Variants in ANKRD30B observed in about 807,000 individuals in gnomAD.
ANKRD30B encodes ankyrin repeat domain 30B.
ANKRD30B carries 144 observed loss-of-function variants against 202.2 expected under a neutral mutation model. The ratio of observed to expected loss-of-function variants is 0.71; its 90% CI spans 0.62 to 0.82. The LOEUF is 0.82. Ranked by LOEUF, ANKRD30B falls within the 40% of genes least tolerant of loss-of-function variation. The pLI, the probability that ANKRD30B is intolerant of heterozygous loss-of-function variation, is 0.00. For missense variants in ANKRD30B, 1,487 were observed against 1,669.1 expected, an observed-to-expected ratio of 0.89 and a Z score of 1.90; for synonymous variants, 508 against 561.3, an observed-to-expected ratio of 0.91 and a Z score of 1.34.
the ANKRD30B span, among the ~76,000 whole-genome samples, chr18:14,882,526 T>C: frequency 6.6e-6 from 1 of 152,248 alleles, no homozygotes; most frequent in African/African-American, 2.4e-5. Context: ...TGGCCTATCA[T>C]ATGGTCTATC....
At chr18:14,921,386 G>C in the ANKRD30B span, among the ~76,000 whole-genome samples, 1 of 148,752 alleles carries the variant, frequency 6.7e-6, no homozygotes, top group South Asian at 2.1e-4. Context: ...GGGTGGAGAG[G>C]GCAGGAGACA....
At chr18:14,903,199 C>T in the ANKRD30B span, among the ~76,000 whole-genome samples, 1 of 152,148 alleles carries the variant, frequency 6.6e-6, no homozygotes, top group Non-Finnish European at 1.5e-5. Context: ...AACACTTCCC[C>T]TTCACCCTCT....
chr18:14,796,054 C>T (rs1258383910), intron 16 of ANKRD30B, among the ~76,000 whole-genome samples, 167 bp from the exon 17 acceptor site: 3 of 152,026 alleles, frequency 2.0e-5, no homozygotes, highest in Non-Finnish European at 4.4e-5. Context: ...ATATTTCTGT[C>T]CCGTTGGCAT....
chr18:14,889,044 G>A, the ANKRD30B span: 1 of 427,482 alleles, frequency 2.3e-6, no homozygotes, highest in Non-Finnish European at 4.2e-6. Context: ...GCCTAATGTG[G>A]ATTGTTAGCT....
the ANKRD30B span, among the ~76,000 whole-genome samples, chr18:14,907,315 G>GA: frequency 1.5e-3 from 218 of 148,310 alleles, no homozygotes; most frequent in African/African-American, 3.4e-3. Context: ...CAATTTTACT[G>GA]AAAAAAAAAA....
At chr18:14,763,547 C>T in intron 6 of ANKRD30B, 139 bp from the exon 7 acceptor site, 1 of 1,246,538 alleles carries the variant, frequency 8.0e-7, no homozygotes, top group African/African-American at 1.5e-5. Flanking sequence ...AAGACTCCAT[C>T]AAAAAAAAGA....
At chr18:14,786,495 C>T (rs1321739624) in intron 14 of ANKRD30B, among the ~76,000 whole-genome samples, 2 of 152,188 alleles carry the variant, frequency 1.3e-5, no homozygotes, top group African/African-American at 4.8e-5. Context: ...AACATATACA[C>T]ACCCAAAACA....
At chr18:14,870,055 C>G in the ANKRD30B span, among the ~76,000 whole-genome samples, 390 of 152,298 alleles carry the variant, frequency 2.6e-3, 2 homozygotes, top group African/African-American at 8.9e-3. Context: ...ATGCCGGTCT[C>G]GAACTCCTCA....
At chr18:14,788,550 C>A (rs553656876) in intron 15 of ANKRD30B, among the ~76,000 whole-genome samples, 2 of 152,054 alleles carry the variant, frequency 1.3e-5, no homozygotes, top group Admixed American at 1.3e-4. Flanking sequence ...CCCGCTCCCC[C>A]CACCCCACAA....
the ANKRD30B span, among the ~76,000 whole-genome samples, chr18:14,916,133 G>T: frequency 1.3e-5 from 2 of 152,302 alleles, 1 homozygote; most frequent in East Asian, 3.9e-4. Context: ...TGATGGTGCT[G>T]CTGTGGGCCT....
intron 22 of ANKRD30B, among the ~76,000 whole-genome samples, chr18:14,799,651 G>T (rs1003098800): frequency 9.2e-5 from 14 of 152,066 alleles, no homozygotes; most frequent in African/African-American, 3.1e-4. Flanking sequence ...TTTACTTTGA[G>T]GAAAGTTTCA....
chr18:14,783,491 T>C (rs1188344650), intron 12 of ANKRD30B, among the ~76,000 whole-genome samples: 1 of 152,108 alleles, frequency 6.6e-6, no homozygotes, highest in Non-Finnish European at 1.5e-5. Flanking sequence ...AGAAAGTGAG[T>C]TGTTTTGGTA....
At chr18:14,926,320 C>A in the ANKRD30B span, among the ~76,000 whole-genome samples, 2 of 152,214 alleles carry the variant, frequency 1.3e-5, no homozygotes, top group Non-Finnish European at 2.9e-5. Context: ...TGACAAGCAC[C>A]AGAATAATGG....
chr18:14,808,615 T>A lies in ANKRD30B; in HGVS notation c.2313+36T>A, dbSNP rs757993670. The A allele has an allele frequency of 1.9e-6, 3 of 1,572,428 alleles. No homozygotes were observed. The East Asian group carries it at 6.8e-5, about 36-fold the overall frequency. ...TTATATTTCTATGTTGAATATTAAC[T>A]ACATATTTTTGAAGTATACATTATA... On this transcript the variant is annotated intron_variant, in intron 25 of 43. Coordinates refer to ENST00000690538, the MANE Select transcript of ANKRD30B (RefSeq NM_001367607.2).
the ANKRD30B span, among the ~76,000 whole-genome samples, chr18:14,912,457 G>A: frequency 6.6e-6 from 1 of 152,124 alleles, no homozygotes; most frequent in South Asian, 2.1e-4. Context: ...TTGCATCCCT[G>A]AGATAAATCC....
At chr18:14,787,662 G>A (rs1341882750) in intron 15 of ANKRD30B, among the ~76,000 whole-genome samples, 1 of 152,210 alleles carries the variant, frequency 6.6e-6, no homozygotes, top group Non-Finnish European at 1.5e-5. Context: ...TGGTTGAGCA[G>A]TCTATTGAAA....
the ANKRD30B span, among the ~76,000 whole-genome samples, chr18:14,873,522 T>C: frequency 9.0e-6 from 1 of 111,018 alleles, no homozygotes. Flanking sequence ...AAGACTCCGT[T>C]TCAAAAAAAA....
chr18:14,781,277 T>A (rs1967720625), intron 11 of ANKRD30B, among the ~76,000 whole-genome samples: 1 of 151,162 alleles, frequency 6.6e-6, no homozygotes, highest in South Asian at 2.1e-4. Context: ...TTCTACAATG[T>A]TCTGAGTATT....
At chr18:14,856,667 A>G (rs1304790999), downstream of ANKRD30B, among the ~76,000 whole-genome samples, 3 of 110,174 alleles carry the variant, frequency 2.7e-5, no homozygotes, top group African/African-American at 3.4e-5. Flanking sequence ...ATTCAGAGGC[A>G]CTCCTCACCT....
Sources: allele counts gnomAD v4.1 joint callset (sites outside exome capture counted in the v4.1 genomes callset), GRCh38; gene constraint gnomAD v4.1.1; transcripts MANE v1.5; gene names NCBI Gene and HGNC (gene_info 2026-07-23, HGNC 2026-07-21).